STXBP4: variants seen among roughly 807,000 people sequenced by gnomAD.
The protein encoded by STXBP4 is syntaxin-binding protein 4.
STXBP4 carries 55 observed loss-of-function variants against 76.1 expected under a neutral mutation model. The observed-to-expected ratio is 0.72, with a 90% confidence interval of 0.58 to 0.91. The LOEUF is 0.91. Ranked by LOEUF, STXBP4 falls within the 40% of genes least tolerant of loss-of-function variation. The pLI, the probability that STXBP4 is intolerant of heterozygous loss-of-function variation, is 0.00. For missense variants in STXBP4, 618 were observed against 636.9 expected (o/e 0.97, Z 0.32); for synonymous variants, 201 against 220.2 (o/e 0.91, Z 0.77).
Position 55,026,345 on chromosome 17 carries a change from T to C in STXBP4, c.667-4823T>C, listed in dbSNP as rs574223701. ...CATGAAAAAGAAAAAAGTTTTTTTT[T>C]CCCCCCAAGATGGTAGATTAGAGCG... is the stretch of plus-strand genomic sequence containing the variant. On this transcript the variant is annotated intron_variant, in intron 8 of 17. Coordinates refer to ENST00000376352, the MANE Select transcript of STXBP4 (RefSeq NM_178509.6). Among the ~76,000 whole-genome samples the C allele has an allele frequency of 2.3e-3, 356 of 152,162 alleles. 1 individual carries two copies. Among genetic ancestry groups the C allele is most frequent in the Non-Finnish European group, 4.5e-3 (308 of 67,982 alleles).
chr17:55,179,840 T>C, the STXBP4 span, among the ~76,000 whole-genome samples: 3 of 152,198 alleles, frequency 2.0e-5, no homozygotes, highest in African/African-American at 7.2e-5. Context: ...ATCAGTGTGT[T>C]ATTATCAGAC....
chr17:55,205,740 G>T, the STXBP4 span, among the ~76,000 whole-genome samples: 1 of 151,348 alleles, frequency 6.6e-6, no homozygotes, highest in Non-Finnish European at 1.5e-5. Context: ...ATATATTTTT[G>T]GCAAGGCTGT....
chr17:55,100,745 C>T (rs1343694269), intron 16 of STXBP4, among the ~76,000 whole-genome samples: 1 of 152,170 alleles, frequency 6.6e-6, no homozygotes, highest in South Asian at 2.1e-4. Flanking sequence ...GTGTGATCCT[C>T]TCCCTTGGAG....
At chr17:54,999,016 A>G (rs1262607684) in intron 4 of STXBP4, among the ~76,000 whole-genome samples, 2 of 152,140 alleles carry the variant, frequency 1.3e-5, no homozygotes, top group Non-Finnish European at 2.9e-5. Context: ...TTTATCACAG[A>G]GTCAGAGCTT....
the STXBP4 span, among the ~76,000 whole-genome samples, chr17:55,184,339 G>A: frequency 6.6e-6 from 1 of 152,110 alleles, no homozygotes; most frequent in Non-Finnish European, 1.5e-5. Context: ...TTATCATAAT[G>A]TATAACACAT....
intron 12 of STXBP4, among the ~76,000 whole-genome samples, chr17:55,054,545 T>C (rs1409306608): frequency 1.3e-5 from 2 of 152,142 alleles, no homozygotes; most frequent in Non-Finnish European, 2.9e-5. Flanking sequence ...CAGTAGATAA[T>C]GGGGTTTGGA....
Position 55,078,094 on chromosome 17 carries a change from TA to T in STXBP4, c.1211del (p.Lys404ArgfsTer31). On this transcript the variant is annotated frameshift_variant, in exon 14 of 18. Transcript: ENST00000376352. LOFTEE classifies it high-confidence loss of function. The part of the protein sequence containing the change: ...SDQNKESVQD[L>X]KKRIMVLDCQ... ...TCTGTGCAGGAAAGTGTTCAGGATT[TA>T]AAAAAGAGAATCATGGTACTCGACT... 6.2e-7 allele frequency: 1 copy of T among 1,609,624 alleles called. No individual in the cohort carries two copies. The highest frequency in any genetic ancestry group is 1.7e-5 in the Admixed American group (1 of 59,328).
chr17:55,018,203 G>C (rs1451621652), intron 8 of STXBP4, among the ~76,000 whole-genome samples: 5 of 152,164 alleles, frequency 3.3e-5, no homozygotes. Flanking sequence ...CTAGTATTGA[G>C]CTCGATTAGG....
the STXBP4 span, among the ~76,000 whole-genome samples, chr17:55,197,120 C>G: frequency 6.6e-6 from 1 of 152,164 alleles, no homozygotes; most frequent in Non-Finnish European, 1.5e-5. Context: ...AATTAGGCAC[C>G]TCAACGCTAA....
At chr17:55,025,769 G>A (rs573281114) in intron 8 of STXBP4, among the ~76,000 whole-genome samples, 11 of 152,256 alleles carry the variant, frequency 7.2e-5, no homozygotes, top group East Asian at 1.9e-4. Flanking sequence ...TTTATGTTGC[G>A]TTGGAGGTTC....
At chr17:55,182,695 GA>G in the STXBP4 span, among the ~76,000 whole-genome samples, 1 of 150,786 alleles carries the variant, frequency 6.6e-6, no homozygotes, top group Non-Finnish European at 1.5e-5. Flanking sequence ...AAGACAAAAA[GA>G]AAATATTGAA....
At chr17:55,210,544 A>G in the STXBP4 span, among the ~76,000 whole-genome samples, 1 of 152,240 alleles carries the variant, frequency 6.6e-6, no homozygotes, top group African/African-American at 2.4e-5. Context: ...TGCCACAAAT[A>G]AGAGGATGGT....
At chr17:55,059,770 T>C (rs2078972867) in intron 12 of STXBP4, among the ~76,000 whole-genome samples, 2 of 152,124 alleles carry the variant, frequency 1.3e-5, no homozygotes, top group African/African-American at 4.8e-5. Context: ...CCTTAAAATT[T>C]GAGAAGCTCT....
At chr17:55,174,877 A>G (rs1020778759), downstream of STXBP4, among the ~76,000 whole-genome samples, 1 of 152,166 alleles carries the variant, frequency 6.6e-6, no homozygotes, top group Non-Finnish European at 1.5e-5. Flanking sequence ...AAAAAATGTC[A>G]TTTATAAGAT....
chr17:55,119,777 ATTAATAAG>A (rs544952907), intron 16 of STXBP4, among the ~76,000 whole-genome samples: 104 of 135,214 alleles, frequency 7.7e-4, no homozygotes, highest in Non-Finnish European at 1.2e-3. Context: ...ACCAAAATGT[ATTAATAAG>A]TTATCATTGA....
At chr17:55,136,911 C>A (rs2080034846) in intron 16 of STXBP4, among the ~76,000 whole-genome samples, 1 of 152,048 alleles carries the variant, frequency 6.6e-6, no homozygotes, top group African/African-American at 2.4e-5. Context: ...ATCACCAGAA[C>A]CATAAGCAAT....
intron 16 of STXBP4, among the ~76,000 whole-genome samples, chr17:55,081,605 A>G (rs1193790514): frequency 6.6e-6 from 1 of 152,228 alleles, no homozygotes; most frequent in Non-Finnish European, 1.5e-5. Context: ...CGATGAGTTA[A>G]GCAGAACCAT....
the STXBP4 span, among the ~76,000 whole-genome samples, chr17:55,204,507 T>C: frequency 2.6e-5 from 4 of 152,118 alleles, no homozygotes; most frequent in Non-Finnish European, 5.9e-5. Context: ...TGTAAAAAAT[T>C]ACACAGATAA....
intron 16 of STXBP4, among the ~76,000 whole-genome samples, chr17:55,131,867 A>G (rs1252258303): frequency 6.6e-6 from 1 of 152,036 alleles, no homozygotes; most frequent in Non-Finnish European, 1.5e-5. Flanking sequence ...GGCTCAAGCG[A>G]TCCTCCCACC....
Sources: gnomAD v4.1 joint callset for allele counts (sites outside exome capture counted in the v4.1 genomes callset) on GRCh38, gnomAD v4.1.1 for gene constraint, MANE v1.5 for transcripts, NCBI Gene and HGNC (gene_info 2026-07-23, HGNC 2026-07-21) for gene names.